CCDC91: variants seen among roughly 807,000 people sequenced by gnomAD.
CCDC91 encodes the protein coiled-coil domain-containing protein 91.
CCDC91 carries 48 observed loss-of-function variants against 63.2 expected under a neutral mutation model. The ratio of observed to expected loss-of-function variants is 0.76; its 90% confidence interval spans 0.60 to 0.97. The LOEUF is 0.97. Among genes scored for constraint, CCDC91 ranks in the 50% least tolerant of loss-of-function variants. The probability of loss-of-function intolerance (pLI) is 0.00; values close to 1 mark genes in which losing one functional copy is unlikely to be tolerated. For synonymous variants in CCDC91, 167 were observed against 165.8 expected, an observed-to-expected ratio of 1.01 and a Z score of -0.06; for missense variants, 500 against 494.6, an observed-to-expected ratio of 1.01 and a Z score of -0.10.
intron 12 of CCDC91, among the ~76,000 whole-genome samples, chr12:28,543,074 A>C (rs1418234180): frequency 6.6e-6 from 1 of 152,070 alleles, no homozygotes; most frequent in African/African-American, 2.4e-5. Context: ...CTTAGCTTCT[A>C]GTGATTCGGC....
intron 6 of CCDC91, among the ~76,000 whole-genome samples, chr12:28,321,277 T>C (rs1471037737): frequency 3.3e-5 from 5 of 151,892 alleles, no homozygotes; most frequent in Admixed American, 2.0e-4. Flanking sequence ...AAAACTTAGC[T>C]GAATCATACT....
chr12:28,304,702 TG>T, intron 3 of CCDC91: 1 of 1,237,180 alleles, frequency 8.1e-7, no homozygotes, highest in Non-Finnish European at 1.1e-6. Flanking sequence ...GATGCCAATG[TG>T]GAATAAAGGT....
intron 8 of CCDC91, among the ~76,000 whole-genome samples, chr12:28,422,872 T>G (rs1447903556): frequency 6.6e-6 from 1 of 152,120 alleles, no homozygotes; most frequent in African/African-American, 2.4e-5. Flanking sequence ...TGGGAAAAAT[T>G]TGTAATAGTG....
intron 3 of CCDC91, among the ~76,000 whole-genome samples, chr12:28,274,156 T>C (rs1282905280): frequency 1.3e-5 from 2 of 152,168 alleles, no homozygotes; most frequent in Non-Finnish European, 2.9e-5. Context: ...GTTGTAGATA[T>C]GCAGCATTAT....
chr12:28,470,471 T>C (rs1310820286), intron 11 of CCDC91, among the ~76,000 whole-genome samples: 3 of 152,110 alleles, frequency 2.0e-5, no homozygotes, highest in African/African-American at 7.2e-5. Context: ...AGGGGAACCC[T>C]CATACACTGT....
intron 8 of CCDC91, among the ~76,000 whole-genome samples, chr12:28,429,869 C>T (rs190234149): frequency 1.3e-5 from 2 of 152,002 alleles, no homozygotes; most frequent in Non-Finnish European, 2.9e-5. Flanking sequence ...AAAAAACTCT[C>T]TGATGCTCTC....
intron 1 of CCDC91, among the ~76,000 whole-genome samples, chr12:28,193,304 C>A (rs1054552759): frequency 5.3e-5 from 8 of 152,080 alleles, no homozygotes; most frequent in Admixed American, 1.3e-4. Flanking sequence ...GCATGTTTAA[C>A]CTTAAAAGAA....
chr12:28,230,961 G>T (rs186817256), intron 1 of CCDC91, among the ~76,000 whole-genome samples: 1 of 152,126 alleles, frequency 6.6e-6, no homozygotes. Context: ...TTCAAGCTAG[G>T]TTAGCTTTTA....
At chr12:28,503,763 T>G (rs955960959) in intron 12 of CCDC91, among the ~76,000 whole-genome samples, 2 of 152,062 alleles carry the variant, frequency 1.3e-5, no homozygotes, top group African/African-American at 2.4e-5. Context: ...CCATAAAAAA[T>G]GATGAGTTCA....
At chr12:28,303,534 C>T (rs1157020844) in intron 3 of CCDC91, among the ~76,000 whole-genome samples, 1 of 152,018 alleles carries the variant, frequency 6.6e-6, no homozygotes, top group East Asian at 1.9e-4. Context: ...ATATGAGTAA[C>T]ATAAATAAAT....
chr12:28,452,368 C>CTAAA, intron 10 of CCDC91, 110 bp from the exon 11 acceptor site: 1 of 650,314 alleles, frequency 1.5e-6, no homozygotes, highest in South Asian at 2.3e-5. Flanking sequence ...AATGTTAGAA[C>CTAAA]TAAACACTAT....
At chr12:28,191,026 C>G (rs963998559) in intron 1 of CCDC91, among the ~76,000 whole-genome samples, 7 of 152,232 alleles carry the variant, frequency 4.6e-5, no homozygotes, top group African/African-American at 7.2e-5. Context: ...TTTATGTATC[C>G]CCTTTTACTT....
At chr12:28,539,116 A>T (rs373630655) in intron 12 of CCDC91, among the ~76,000 whole-genome samples, 1 of 152,134 alleles carries the variant, frequency 6.6e-6, no homozygotes, top group Non-Finnish European at 1.5e-5. Context: ...GTTGAATAAG[A>T]TCCCATTTGT....
intron 1 of CCDC91, among the ~76,000 whole-genome samples, chr12:28,205,927 T>A (rs960510246): frequency 2.0e-5 from 3 of 152,196 alleles, no homozygotes; most frequent in Non-Finnish European, 4.4e-5. Flanking sequence ...TGAGCACAAC[T>A]TTAGTCATTA....
rs766062156 is a variant in CCDC91 at position 28,362,458 on chromosome 12, G to A, written c.597G>A (p.Leu199=). ...TTCAGGAAAAACATAAACAAGAATT[G>A]GAAGACATGAGGAAAGCTGGTCACG... The part of the protein sequence containing the change: ...KELQEKHKQE[L]EDMRKAGHEA... The change falls in exon 7 of 13, where the codon TTG becomes TTA. Residue 199 remains leucine (L), a synonymous_variant. Transcript: ENST00000536442. The A allele has an allele frequency of 3.1e-6, 5 of 1,592,464 alleles. No homozygotes were observed. Among genetic ancestry groups the A allele is most frequent in the Middle Eastern group, 1.7e-4 (1 of 6,058 alleles).
At chr12:28,421,609 AC>A (rs1948018597) in intron 8 of CCDC91, among the ~76,000 whole-genome samples, 1 of 150,204 alleles carries the variant, frequency 6.7e-6, no homozygotes, top group African/African-American at 2.5e-5. Flanking sequence ...TATGTCTGTC[AC>A]TGATGGGCAT....
At chr12:28,513,661 A>G (rs1383624089) in intron 12 of CCDC91, among the ~76,000 whole-genome samples, 1 of 151,832 alleles carries the variant, frequency 6.6e-6, no homozygotes, top group Non-Finnish European at 1.5e-5. Flanking sequence ...AAGCAGATAA[A>G]CTGACCCTTA....
chr12:28,529,276 C>T (rs1485247016), intron 12 of CCDC91, among the ~76,000 whole-genome samples: 1 of 152,160 alleles, frequency 6.6e-6, no homozygotes, highest in Non-Finnish European at 1.5e-5. Flanking sequence ...GAATCTTCCG[C>T]AGAGCTTTGC....
intron 8 of CCDC91, among the ~76,000 whole-genome samples, chr12:28,434,887 C>T (rs1215568761): frequency 2.0e-5 from 3 of 151,302 alleles, no homozygotes; most frequent in African/African-American, 7.3e-5. Context: ...AAAATTGGTC[C>T]ATTTTGTTTC....
Sources: gnomAD v4.1 joint callset for allele counts (sites outside exome capture counted in the v4.1 genomes callset) on GRCh38, gnomAD v4.1.1 for gene constraint, MANE v1.5 for transcripts, NCBI Gene and HGNC (gene_info 2026-07-23, HGNC 2026-07-21) for gene names.